Variants in DLGAP2 observed in about 807,000 individuals in gnomAD.
DLGAP2 encodes disks large-associated protein 2.
DLGAP2 carries 26 observed loss-of-function variants against 100.3 expected under a neutral mutation model. The observed-to-expected ratio is 0.26, with a 90% confidence interval of 0.19 to 0.36. DLGAP2 has a LOEUF of 0.36. DLGAP2 is among the 10% of genes least tolerant of loss of function. The pLI, the probability that DLGAP2 is intolerant of heterozygous loss-of-function variation, is 1.00. For missense variants in DLGAP2, 1,858 were observed against 1,453.2 expected (o/e 1.28, Z -4.53); for synonymous variants, 886 against 630.1 (o/e 1.41, Z -6.08).
chr8:953,055 T>G (rs1373501110), intron 2 of DLGAP2, among the ~76,000 whole-genome samples: 1 of 152,254 alleles, frequency 6.6e-6, no homozygotes, highest in Non-Finnish European at 1.5e-5. Flanking sequence ...TTCAAAATGC[T>G]GACAGATCCT....
chr8:1,640,449 G>T (rs753290031), intron 8 of DLGAP2, among the ~76,000 whole-genome samples: 1 of 152,308 alleles, frequency 6.6e-6, no homozygotes, highest in Middle Eastern at 3.4e-3. Flanking sequence ...CAACGATATC[G>T]TGCGGGAGTC....
chr8:946,421 G>T (rs534042955), intron 2 of DLGAP2, among the ~76,000 whole-genome samples: 1 of 151,962 alleles, frequency 6.6e-6, no homozygotes, highest in Non-Finnish European at 1.5e-5. Flanking sequence ...CCGCCACCAC[G>T]CCCGGCTAAT....
chr8:840,049 C>T (rs35226937), intron 1 of DLGAP2, among the ~76,000 whole-genome samples: 1,887 of 59,502 alleles, frequency 0.032, 276 homozygotes, highest in East Asian at 0.23. Context: ...ACGGTGCACG[C>T]CTGCACGTCT....
chr8:1,499,123 G>A (rs1799629904), intron 3 of DLGAP2, among the ~76,000 whole-genome samples: 1 of 152,230 alleles, frequency 6.6e-6, no homozygotes, highest in African/African-American at 2.4e-5. Context: ...CTCATTCTTG[G>A]AGTGCTGTTC....
At chr8:1,305,449 A>G (rs902740756) in intron 3 of DLGAP2, among the ~76,000 whole-genome samples, 2 of 152,172 alleles carry the variant, frequency 1.3e-5, no homozygotes, top group African/African-American at 2.4e-5. Flanking sequence ...TAAACTGCTT[A>G]TAGTCATCCC....
intron 3 of DLGAP2, among the ~76,000 whole-genome samples, chr8:1,483,713 GTGGGGACCAGGAAGGCAGGTGCAGAAT>G (rs1340905247): frequency 2.2e-3 from 333 of 151,156 alleles, no homozygotes; most frequent in East Asian, 8.9e-3. Context: ...GGTGCAGGAC[GTGGGGACCAGGAAGGCAGGTGCAGAAT>G]GTGGGGACCA....
intron 12 of DLGAP2, among the ~76,000 whole-genome samples, chr8:1,685,602 A>G (rs1006143989): frequency 6.6e-6 from 1 of 152,208 alleles, no homozygotes; most frequent in Admixed American, 6.5e-5. Flanking sequence ...ATAAAAAGAC[A>G]TGGATGCTTG....
intron 1 of DLGAP2, among the ~76,000 whole-genome samples, chr8:847,048 C>A (rs1361989977): frequency 6.6e-6 from 1 of 152,090 alleles, no homozygotes; most frequent in Admixed American, 6.5e-5. Context: ...AGTTTTTGTA[C>A]AGTTGGAATT....
At position 1,287,590 on chromosome 8, in the gene DLGAP2, G is replaced by A. The variant is rs1175029037; in HGVS notation, c.106+28707G>A. Among the ~76,000 whole-genome samples, 9 of 90,156 alleles carry A rather than the reference G, an allele frequency of 1.0e-4. 1 individual carries two copies. Among genetic ancestry groups the A allele is most frequent in the African/African-American group, 3.3e-4 (6 of 17,926 alleles). 59.1% of individuals were successfully genotyped at this position (90,156 alleles called of 152,430 possible). The stretch of plus-strand genomic sequence containing the variant: ...GGAGGGGAACTAGTTTTGGTTCAGC[G>A]TGTGTGTGTATGTGGTTCTGTTAGG... On this transcript the variant is annotated intron_variant, in intron 3 of 14. Coordinates refer to ENST00000637795, the MANE Select transcript of DLGAP2 (RefSeq NM_001346810.2).
intron 2 of DLGAP2, among the ~76,000 whole-genome samples, chr8:947,107 G>A (rs891493829): frequency 2.6e-5 from 4 of 152,184 alleles, no homozygotes; most frequent in African/African-American, 7.2e-5. Context: ...CCCTGGCTCC[G>A]GGTGCGCCCG....
chr8:782,250 G>A (rs982970706), intron 1 of DLGAP2, among the ~76,000 whole-genome samples: 1 of 151,254 alleles, frequency 6.6e-6, no homozygotes, highest in Non-Finnish European at 1.5e-5. Flanking sequence ...AAAAAAAACA[G>A]AAGAGAGGGG....
intron 14 of DLGAP2, 58 bp downstream of exon 14, chr8:1,697,357 G>A (rs756694631): frequency 1.6e-5 from 24 of 1,530,998 alleles, no homozygotes; most frequent in Non-Finnish European, 1.9e-5. Context: ...CTGCACTAAC[G>A]ACCTGCTGCA....
At chr8:1,603,654 A>T (rs899608847) in intron 6 of DLGAP2, among the ~76,000 whole-genome samples, 3 of 42,112 alleles carry the variant, frequency 7.1e-5, no homozygotes, top group Non-Finnish European at 9.9e-5. Context: ...CTGGGTCTTC[A>T]TTCTTTTGGG....
chr8:1,203,525 G>C (rs543839891), intron 2 of DLGAP2, among the ~76,000 whole-genome samples: 7 of 152,166 alleles, frequency 4.6e-5, no homozygotes, highest in African/African-American at 1.7e-4. Context: ...CCTTCTCAGC[G>C]ATCTCTGTGG....
At chr8:1,570,099 T>C (rs1211505047) in intron 6 of DLGAP2, among the ~76,000 whole-genome samples, 1 of 152,224 alleles carries the variant, frequency 6.6e-6, no homozygotes, top group Non-Finnish European at 1.5e-5. Context: ...TGAGCTGTAG[T>C]GAGTGTGGAC....
At position 1,211,362 on chromosome 8, in the gene DLGAP2, T is replaced by G. The variant is rs552751678; in HGVS notation, c.74-47489T>G. Among the ~76,000 whole-genome samples, 7 of 152,316 alleles carry G rather than the reference T, an allele frequency of 4.6e-5. No individual in the cohort carries two copies. The South Asian group carries it at 6.2e-4, about 14-fold the overall frequency. ...TGAACACCACCAGCCAACGATCTTG[T>G]TTTTCCATCAGATAGATGCACAGAA... On this transcript the variant is annotated intron_variant, in intron 2 of 14. Transcript: ENST00000637795.
intron 2 of DLGAP2, among the ~76,000 whole-genome samples, chr8:985,292 G>A (rs1256230114): frequency 2.0e-5 from 3 of 152,236 alleles, no homozygotes; most frequent in Non-Finnish European, 4.4e-5. Context: ...ACGGTCTCAT[G>A]TAGAATGCTC....
At chr8:1,441,517 G>A (rs1008899180) in intron 3 of DLGAP2, among the ~76,000 whole-genome samples, 4 of 151,788 alleles carry the variant, frequency 2.6e-5, no homozygotes, top group African/African-American at 4.8e-5. Flanking sequence ...GTGAAACCCC[G>A]TCTCTACTAA....
intron 2 of DLGAP2, among the ~76,000 whole-genome samples, chr8:987,306 C>A (rs1372754597): frequency 6.6e-6 from 1 of 152,110 alleles, no homozygotes; most frequent in Non-Finnish European, 1.5e-5. Context: ...TAGGACGTGT[C>A]CACGGGTCCT....
Sources: allele counts gnomAD v4.1 joint callset (sites outside exome capture counted in the v4.1 genomes callset), GRCh38; gene constraint gnomAD v4.1.1; transcripts MANE v1.5; gene names NCBI Gene and HGNC (gene_info 2026-07-23, HGNC 2026-07-21).